TACC1: variants seen among roughly 807,000 people sequenced by gnomAD.
The protein encoded by TACC1 is transforming acidic coiled-coil-containing protein 1.
TACC1 carries 48 observed loss-of-function variants against 84.4 expected under a neutral mutation model. That is an observed-to-expected ratio of 0.57 (90% CI 0.45 to 0.72). The LOEUF is 0.72. Among genes scored for constraint, TACC1 ranks in the 30% least tolerant of loss-of-function variants. TACC1 has a pLI of 0.00. For missense variants in TACC1, 920 were observed against 973.0 expected, an observed-to-expected ratio of 0.95 and a Z score of 0.72; for synonymous variants, 372 against 376.3, an observed-to-expected ratio of 0.99 and a Z score of 0.13.
intron 2 of TACC1, among the ~76,000 whole-genome samples, chr8:38,818,982 T>G (rs534509778): frequency 1.3e-5 from 2 of 152,328 alleles, no homozygotes; most frequent in East Asian, 3.9e-4. Context: ...TTCACCATGT[T>G]GGCCAGGATG....
intron 3 of TACC1, among the ~76,000 whole-genome samples, chr8:38,757,681 C>A (rs896046342): frequency 2.6e-5 from 4 of 151,966 alleles, no homozygotes; most frequent in African/African-American, 9.7e-5. Flanking sequence ...ACTGGGGAGA[C>A]AAGGGGACCC....
intron 6 of TACC1, among the ~76,000 whole-genome samples, chr8:38,835,080 C>T (rs1829960716): frequency 6.6e-6 from 1 of 152,106 alleles, no homozygotes; most frequent in East Asian, 1.9e-4. Context: ...GGTGAAACCC[C>T]GTCTCTACTA....
intron 2 of TACC1, among the ~76,000 whole-genome samples, chr8:38,817,681 T>C (rs1008745459): frequency 1.3e-5 from 2 of 152,046 alleles, no homozygotes; most frequent in African/African-American, 4.8e-5. Context: ...AAAATTTTAA[T>C]TGGACATTTG....
chr8:38,794,321 G>A (rs1023263020), intron 2 of TACC1, among the ~76,000 whole-genome samples: 1 of 152,032 alleles, frequency 6.6e-6, no homozygotes, highest in South Asian at 2.1e-4. Context: ...TAAAAAAATA[G>A]TGATGGGGTT....
chr8:38,823,564 C>T (rs767128592), intron 3 of TACC1, among the ~76,000 whole-genome samples: 2 of 152,314 alleles, frequency 1.3e-5, no homozygotes, highest in East Asian at 3.9e-4. Context: ...CACCGTCTCT[C>T]GAGTCCTGCC....
At chr8:38,809,355 G>A (rs561208199) in intron 2 of TACC1, among the ~76,000 whole-genome samples, 11 of 152,260 alleles carry the variant, frequency 7.2e-5, no homozygotes, top group Middle Eastern at 6.8e-3. Flanking sequence ...ACTGCAGAGC[G>A]TTTGATGTCC....
At chr8:38,750,110 C>A (rs1286962611) in intron 3 of TACC1, among the ~76,000 whole-genome samples, 2 of 152,064 alleles carry the variant, frequency 1.3e-5, no homozygotes, top group African/African-American at 4.8e-5. Context: ...GAGTTCAAGG[C>A]TATAGTGCAC....
chr8:38,808,345 A>AG (rs554346945), intron 2 of TACC1, among the ~76,000 whole-genome samples: 108 of 152,316 alleles, frequency 7.1e-4, no homozygotes, highest in Middle Eastern at 6.8e-3. Context: ...GAGCCTACTG[A>AG]GGATCTGGGT....
intron 2 of TACC1, among the ~76,000 whole-genome samples, chr8:38,803,082 T>C (rs960268303): frequency 6.6e-6 from 1 of 152,246 alleles, no homozygotes; most frequent in African/African-American, 2.4e-5. Context: ...TTTTTGGAAT[T>C]TTCATTGCAA....
intron 3 of TACC1, among the ~76,000 whole-genome samples, chr8:38,823,673 C>G (rs550145161): frequency 2.0e-5 from 3 of 152,078 alleles, no homozygotes; most frequent in Non-Finnish European, 4.4e-5. Flanking sequence ...CTTATGCAAT[C>G]AAAAATCTTG....
Position 38,836,204 on chromosome 8 carries a change from T to C in TACC1, c.1756T>C (p.Ser586Pro). 2 of 1,613,504 alleles carry C rather than the reference T, an allele frequency of 1.2e-6. No homozygotes were observed. The highest frequency in any genetic ancestry group is 1.7e-6 in the Non-Finnish European group (2 of 1,179,886). Residue 586 changes from serine to proline, a missense_variant, in exon 7 of 13, where the codon TCC (serine) becomes CCC (proline). Ser to Pro is a moderately conservative substitution (Grantham distance 74). Around this residue, in one of 2 missense-constraint regions of TACC1, gnomAD observed 762 missense variants for 747.3 expected, o/e 1.02. Coordinates refer to ENST00000317827, the MANE Select transcript of TACC1 (RefSeq NM_006283.3). ...TGCAGAGAAGGCCCCTGTGTCGGTG[T>C]CCTGTGGAGGTGAGAGCCCCCTGGA... ...SSAEKAPVSV[S>P]CGGESPLDGI...
intron 2 of TACC1, among the ~76,000 whole-genome samples, chr8:38,743,266 C>G (rs772372977): frequency 6.6e-6 from 1 of 150,890 alleles, no homozygotes; most frequent in Admixed American, 6.6e-5. Context: ...AGACAGACAT[C>G]AAGGTAGGCA....
At position 38,831,266 on chromosome 8, in the gene TACC1, A is replaced by G. The variant is rs1040390682; in HGVS notation, c.1713+89A>G. On this transcript the variant is annotated intron_variant, in intron 6 of 12. Coordinates refer to ENST00000317827, the MANE Select transcript of TACC1 (RefSeq NM_006283.3). The stretch of plus-strand genomic sequence containing the variant: ...CATGTGAATTTGTTAAATTCTGGTC[A>G]GTGTTAGGTGATGAGGATAAAATGT... 10 of 1,310,718 alleles carry G rather than the reference A, an allele frequency of 7.6e-6. No homozygotes were observed. In the African/African-American group the frequency reaches 1.5e-4, roughly 19 times the overall value. 81.2% of individuals were successfully genotyped at this position (1,310,718 alleles called of 1,614,324 possible).
exon 3 of TACC1, chr8:38,745,185 T>A (rs946170932): frequency 4.0e-5 from 13 of 323,106 alleles, no homozygotes; most frequent in African/African-American, 2.4e-4. Context: ...CTGACCCACA[T>A]ACACACAAAA....
At chr8:38,755,812 C>CATTATTATTATTATTATT (rs10680579) in intron 3 of TACC1, among the ~76,000 whole-genome samples, 2 of 149,926 alleles carry the variant, frequency 1.3e-5, no homozygotes, top group East Asian at 3.9e-4. Context: ...GTGAAGAGAT[C>CATTATTATTATTATTATT]ATTATTATTA....
chr8:38,795,790 A>G (rs2152041133), intron 2 of TACC1, among the ~76,000 whole-genome samples: 1 of 152,296 alleles, frequency 6.6e-6, no homozygotes, highest in African/African-American at 2.4e-5. Context: ...TGAGTTCAAG[A>G]TCTCACCCTC....
chr8:38,789,251 C>T (rs545257229), intron 2 of TACC1, among the ~76,000 whole-genome samples: 1 of 152,256 alleles, frequency 6.6e-6, no homozygotes, highest in South Asian at 2.1e-4. Flanking sequence ...ACTCACCTCG[C>T]CCACTTCCAT....
intron 3 of TACC1, among the ~76,000 whole-genome samples, chr8:38,822,260 A>C (rs1236453239): frequency 2.0e-5 from 3 of 151,392 alleles, no homozygotes; most frequent in Admixed American, 1.3e-4. Context: ...AAAAAAAAAA[A>C]AAAAAACTAC....
At chr8:38,810,684 A>G (rs903374846) in intron 2 of TACC1, among the ~76,000 whole-genome samples, 3 of 152,206 alleles carry the variant, frequency 2.0e-5, no homozygotes, top group African/African-American at 7.2e-5. Context: ...TAGAATGGAT[A>G]TCACTTATTA....
Sources: gnomAD v4.1 joint callset for allele counts (sites outside exome capture counted in the v4.1 genomes callset) on GRCh38, gnomAD v4.1.1 for gene constraint, gnomAD v4.1.1 regional missense constraint, MANE v1.5 for transcripts, NCBI Gene and HGNC (gene_info 2026-07-23, HGNC 2026-07-21) for gene names.